SEC22C: variants seen among roughly 807,000 people sequenced by gnomAD.
SEC22C encodes the protein vesicle-trafficking protein SEC22c.
A neutral mutation model predicts 34.7 loss-of-function variants in SEC22C; 29 were observed. The observed-to-expected ratio is 0.84, with a 90% CI of 0.62 to 1.14. The LOEUF is 1.14. Among genes scored for constraint, SEC22C ranks in the 50% most tolerant of loss-of-function variants. SEC22C has a pLI of 0.00. For synonymous variants in SEC22C, 117 were observed against 132.8 expected, an observed-to-expected ratio of 0.88 and a Z score of 0.82; for missense variants, 337 against 369.0, an observed-to-expected ratio of 0.91 and a Z score of 0.71.
chr3:42,599,991 G>A (rs970043447), intron 1 of SEC22C, among the ~76,000 whole-genome samples: 7 of 152,128 alleles, frequency 4.6e-5, no homozygotes, highest in African/African-American at 1.7e-4. Context: ...ACAATGAAAC[G>A]ACAGGCCCAG....
intron 1 of SEC22C, among the ~76,000 whole-genome samples, chr3:42,578,240 A>G (rs1704091263): frequency 6.6e-6 from 1 of 152,220 alleles, no homozygotes; most frequent in Admixed American, 6.5e-5. Flanking sequence ...GAAGAAGAAT[A>G]AACTATGGTC....
chr3:42,596,271 C>G (rs1705027517), intron 1 of SEC22C, among the ~76,000 whole-genome samples: 1 of 152,226 alleles, frequency 6.6e-6, no homozygotes, highest in South Asian at 2.1e-4. Context: ...ATCCACCTGC[C>G]TCAGCCTCCT....
Position 42,552,751 on chromosome 3 carries a change from G to A in SEC22C, c.*497C>T, listed in dbSNP as rs1206283220. ...AAAAAATGTAAACAAAATTTATCTA[G>A]CTTACATTTATGAACCATATTTTTA... On this transcript the variant is annotated 3_prime_UTR_variant, in exon 7 of 7. Transcript: ENST00000264454. The A allele has an allele frequency of 2.0e-6, 2 of 981,682 alleles. No individual in the cohort carries two copies. Among genetic ancestry groups the A allele is most frequent in the South Asian group, 4.7e-5 (1 of 21,208 alleles). 60.8% of individuals were successfully genotyped at this position (981,682 alleles called of 1,614,324 possible).
At chr3:42,592,526 T>C (rs1292215590) in intron 1 of SEC22C, among the ~76,000 whole-genome samples, 1 of 152,180 alleles carries the variant, frequency 6.6e-6, no homozygotes, top group Non-Finnish European at 1.5e-5. Flanking sequence ...TAGAAAAATA[T>C]ATTATTTCAT....
In SEC22C at chr3:42,551,198, C is replaced by T; in HGVS notation, c.*2050G>A. 9.1e-6 allele frequency: 9 copies of T among 985,372 alleles called. No individual in the cohort carries two copies. Among genetic ancestry groups the T allele is most frequent in the Non-Finnish European group, 1.1e-5 (9 of 829,922 alleles). 61.0% of individuals were successfully genotyped at this position (985,372 alleles called of 1,614,324 possible). On this transcript the variant is annotated 3_prime_UTR_variant, in exon 7 of 7. Transcript: ENST00000264454. ...CATTTTACCTCCCCTCCTTAACTTC[C>T]CATTCTATTTCACCATCTCTTCAAA...
intron 2 of SEC22C, 62 bp from the exon 3 acceptor site, chr3:42,563,748 C>T: frequency 1.9e-6 from 3 of 1,607,046 alleles, no homozygotes. Context: ...CCATCCCACA[C>T]CCAGACACAA....
chr3:42,557,557 TAAAA>T lies in SEC22C; in HGVS notation c.645+17_645+20del. 6 of 1,005,040 alleles carry T rather than the reference TAAAA, an allele frequency of 6.0e-6. No homozygotes were observed. Among genetic ancestry groups the T allele is most frequent in the South Asian group, 1.7e-5 (1 of 60,512 alleles). The allele number at this position is 1,005,040 out of a possible 1,614,324, so 62.3% of individuals were successfully genotyped here. ...ATATGTCCTTCAATTTAAACTGTTT[TAAAA>T]AAAAAAAAAAGGTTACCTGTAAAGA... On this transcript the variant is annotated intron_variant, in intron 5 of 6. Coordinates refer to ENST00000264454, the MANE Select transcript of SEC22C (RefSeq NM_032970.4).
chr3:42,552,154 T>A lies in SEC22C; in HGVS notation c.*1094A>T. On this transcript the variant is annotated 3_prime_UTR_variant, in exon 7 of 7. Coordinates refer to ENST00000264454, the MANE Select transcript of SEC22C (RefSeq NM_032970.4). ...AAAGAGAGTAACTTTCCAGAGTATG[T>A]GTTAATTATATCTCTATCAAGCTTT... 1.0e-6 allele frequency: 1 copy of A among 985,372 alleles called. No individual in the cohort carries two copies. The highest frequency in any genetic ancestry group is 1.2e-6 in the Non-Finnish European group (1 of 829,842). The allele number at this position is 985,372 out of a possible 1,614,324, so 61.0% of individuals were successfully genotyped here.
At chr3:42,558,624 TA>T (rs1013111518) in intron 4 of SEC22C, among the ~76,000 whole-genome samples, 26 of 147,580 alleles carry the variant, frequency 1.8e-4, no homozygotes, top group Non-Finnish European at 2.1e-4. Flanking sequence ...CCATCTCTAT[TA>T]AAAAAAAAAT....
chr3:42,561,088 TCAA>T, intron 4 of SEC22C, 26 bp downstream of exon 4: 1 of 1,595,588 alleles, frequency 6.3e-7, no homozygotes, highest in South Asian at 1.1e-5. Context: ...TATCACTTCA[TCAA>T]CATCAGGGAA....
intron 1 of SEC22C, among the ~76,000 whole-genome samples, chr3:42,592,492 G>A (rs1292743666): frequency 1.3e-5 from 2 of 152,052 alleles, no homozygotes; most frequent in Admixed American, 6.6e-5. Context: ...GAGCCACCAC[G>A]GCCGACCTTA....
Position 42,550,442 on chromosome 3 carries a change from C to A in SEC22C, c.*2806G>T. 3 of 985,432 alleles carry A rather than the reference C, an allele frequency of 3.0e-6. No homozygotes were observed. Among genetic ancestry groups the A allele is most frequent in the Non-Finnish European group, 3.6e-6 (3 of 829,948 alleles). 61.0% of individuals were successfully genotyped at this position (985,432 alleles called of 1,614,324 possible). ...ACCTCCAACCCTGAACCAAGTCAAA[C>A]CTAAGCCTGGGGATTTCCCTCGGAT... On this transcript the variant is annotated 3_prime_UTR_variant, in exon 7 of 7. Coordinates refer to ENST00000264454, the MANE Select transcript of SEC22C (RefSeq NM_032970.4).
intron 6 of SEC22C, among the ~76,000 whole-genome samples, chr3:42,554,695 G>A (rs144211527): frequency 9.2e-5 from 14 of 152,092 alleles, no homozygotes; most frequent in Admixed American, 3.3e-4. Flanking sequence ...GAAGGAAAGC[G>A]TCCTAAGAAC....
At chr3:42,563,764 C>T in intron 2 of SEC22C, 78 bp from the exon 3 acceptor site, 1 of 1,597,220 alleles carries the variant, frequency 6.3e-7, no homozygotes, top group South Asian at 1.1e-5. Context: ...CACAACCTTA[C>T]CTGAATTCTG....
At chr3:42,568,364 G>A (rs535900251) in intron 2 of SEC22C, among the ~76,000 whole-genome samples, 4 of 152,118 alleles carry the variant, frequency 2.6e-5, no homozygotes, top group Admixed American at 1.3e-4. Context: ...GAGCAGCCAC[G>A]GCTGGGTGCA....
At chr3:42,600,629 T>G in intron 1 of SEC22C, 1 of 164,104 alleles carries the variant, frequency 6.1e-6, no homozygotes, top group Non-Finnish European at 1.3e-5. Flanking sequence ...CTCGCGGTAT[T>G]TGTCCCGACT....
intron 6 of SEC22C, among the ~76,000 whole-genome samples, chr3:42,553,939 C>T (rs539729240): frequency 1.3e-5 from 2 of 152,322 alleles, no homozygotes; most frequent in South Asian, 4.1e-4. Flanking sequence ...TTCCCTTGGG[C>T]ACCCTCCTTA....
rs139373686 is a variant in SEC22C at position 42,589,657 on chromosome 3, T to C, written c.-28+11303A>G. Among the ~76,000 whole-genome samples, 78 of 152,298 alleles carry C rather than the reference T, an allele frequency of 5.1e-4. 2 individuals carry two copies. In the East Asian group the frequency reaches 0.015, roughly 29 times the overall value. ...ATTCTCACAGGAGCGTGAACCCTAT[T>C]GTGAACTGGACTTGCAAGAGATCTA... On this transcript the variant is annotated intron_variant, in intron 1 of 6. Coordinates refer to the SEC22C transcript ENST00000417572.
chr3:42,553,342 C>T lies in SEC22C; in HGVS notation c.818G>A (p.Trp273Ter). 1 of 1,614,106 alleles carries T rather than the reference C, an allele frequency of 6.2e-7. No individual in the cohort carries two copies. Among genetic ancestry groups the T allele is most frequent in the Non-Finnish European group, 8.5e-7 (1 of 1,180,026 alleles). Residue 273 changes from tryptophan (W) to a stop codon, truncating the protein, a stop_gained, in exon 7 of 7, where the codon TGG becomes TAG. Transcript: ENST00000264454. LOFTEE classifies it high-confidence loss of function. Reference sequence around the variant, plus strand: ...CACTCCTATGTGGAAAAGGATTTGCCAGAGGTTCCTCAGCCCGTGCAGGTA... The same window carrying T: ...CACTCCTATGTGGAAAAGGATTTGCTAGAGGTTCCTCAGCCCGTGCAGGTA... ...NMYLHGLRNL[W>*]QILFHIGVAF...
Sources: gnomAD v4.1 joint callset for allele counts (sites outside exome capture counted in the v4.1 genomes callset) on GRCh38, gnomAD v4.1.1 for gene constraint, MANE v1.5 for transcripts, NCBI Gene and HGNC (gene_info 2026-07-23, HGNC 2026-07-21) for gene names.